GRHL2: variants seen among roughly 807,000 people sequenced by gnomAD.
The protein encoded by GRHL2 is grainyhead like transcription factor 2.
A neutral mutation model predicts 83.8 loss-of-function variants in GRHL2; 21 were observed. The ratio of observed to expected loss-of-function variants is 0.25; its 90% CI spans 0.18 to 0.36. The LOEUF is 0.36. Among genes scored for constraint, GRHL2 ranks in the 10% least tolerant of loss-of-function variants. The pLI, the probability that GRHL2 is intolerant of heterozygous loss-of-function variation, is 1.00. For synonymous variants in GRHL2, 280 were observed against 278.9 expected, an observed-to-expected ratio of 1.00 and a Z score of -0.04; for missense variants, 623 against 781.8, an observed-to-expected ratio of 0.80 and a Z score of 2.42.
the GRHL2 span, among the ~76,000 whole-genome samples, chr8:101,678,057 G>A: frequency 3.4e-4 from 51 of 152,202 alleles, 1 homozygote; most frequent in Non-Finnish European, 5.7e-4. Context: ...GCACACTTCC[G>A]GCGAAGACAA....
At chr8:101,636,856 TTG>T in intron 11 of GRHL2, 39 bp from the exon 12 acceptor site, 2 of 1,595,842 alleles carry the variant, frequency 1.3e-6, no homozygotes, top group South Asian at 2.2e-5. Context: ...TTTCCATTTC[TTG>T]TCTCTGACCT....
chr8:101,492,695 T>C lies in GRHL2; in HGVS notation c.-75T>C. The C allele has an allele frequency of 1.5e-6, 2 of 1,350,888 alleles. No individual in the cohort carries two copies. The highest frequency in any genetic ancestry group is 3.6e-4 in the Middle Eastern group (2 of 5,548). The allele number at this position is 1,350,888 out of a possible 1,614,324, so 83.7% of individuals were successfully genotyped here. ...TCGGGCGCTCTCACACACCTTCACC[T>C]GCACAGACTTGAAAGTCCAGTTTCA... On this transcript the variant is annotated 5_prime_UTR_variant, in exon 1 of 16. Coordinates refer to ENST00000646743, the MANE Select transcript of GRHL2 (RefSeq NM_024915.4).
At position 101,623,886 on chromosome 8, in the gene GRHL2, TCACAGTA is replaced by T. The variant is rs535626223; in HGVS notation, c.1257+4204_1257+4210del. 5.5e-3 allele frequency among the ~76,000 whole-genome samples: 501 copies of T among 90,810 alleles called. 4 individuals are homozygous for T. Among genetic ancestry groups the T allele is most frequent in the African/African-American group, 0.015 (468 of 31,058 alleles). The allele number at this position is 90,810 out of a possible 152,430, so 59.6% of individuals were successfully genotyped here. A position where few individuals can be genotyped will look rare whatever the true frequency, so the allele number is the denominator to read the frequency against. On this transcript the variant is annotated intron_variant, in intron 9 of 15. Transcript: ENST00000646743. ...GTAGGACAGTACACAGTAGGACAGTTCACAGTACACAGTACACAGTAGGACAGTACAC... is the reference window on the plus strand; with the variant it reads ...GTAGGACAGTACACAGTAGGACAGTTCACAGTACACAGTAGGACAGTACAC...
intron 9 of GRHL2, among the ~76,000 whole-genome samples, chr8:101,628,870 T>C (rs1813130721): frequency 6.6e-6 from 1 of 152,232 alleles, no homozygotes; most frequent in African/African-American, 2.4e-5. Flanking sequence ...AAGATGTGAT[T>C]GAATTGCTGC....
At chr8:101,636,048 G>A (rs535917269) in intron 11 of GRHL2, among the ~76,000 whole-genome samples, 2 of 152,228 alleles carry the variant, frequency 1.3e-5, no homozygotes, top group South Asian at 4.2e-4. Flanking sequence ...ACTAACTCAG[G>A]TATTATTCTT....
At chr8:101,545,124 G>C (rs1376129992) in intron 2 of GRHL2, among the ~76,000 whole-genome samples, 1 of 152,068 alleles carries the variant, frequency 6.6e-6, no homozygotes, top group African/African-American at 2.4e-5. Context: ...GACCATCCAG[G>C]GTATTTTAAA....
chr8:101,551,617 CAAAA>C (rs111993659), intron 2 of GRHL2, among the ~76,000 whole-genome samples: 1 of 143,822 alleles, frequency 7.0e-6, no homozygotes, highest in African/African-American at 2.6e-5. Context: ...GGAGATAGAG[CAAAA>C]AAAAAGAAAG....
At chr8:101,592,945 ATTC>A (rs1267281194) in intron 7 of GRHL2, among the ~76,000 whole-genome samples, 2 of 151,952 alleles carry the variant, frequency 1.3e-5, no homozygotes, top group Non-Finnish European at 2.9e-5. Flanking sequence ...CCATGGTTTT[ATTC>A]TTTTTGTTGT....
At position 101,553,659 on chromosome 8, in the gene GRHL2, C is replaced by G. The variant is rs1055238670; in HGVS notation, c.284+877C>G. On this transcript the variant is annotated intron_variant, in intron 3 of 15. Transcript: ENST00000646743. ...TTTTTTTTTTTTTGAGACGGAGTCT[C>G]GCTCTGTCACCAGGCTGGAGTGTAG... is the stretch of plus-strand genomic sequence containing the variant. Among the ~76,000 whole-genome samples the G allele has an allele frequency of 2.1e-5, 3 of 141,684 alleles. No homozygotes were observed. The Admixed American group carries it at 2.2e-4, about 11-fold the overall frequency. The allele number at this position is 141,684 out of a possible 152,430, so 93.0% of individuals were successfully genotyped here.
At chr8:101,637,534 T>C (rs1813314253) in intron 12 of GRHL2, among the ~76,000 whole-genome samples, 1 of 152,220 alleles carries the variant, frequency 6.6e-6, no homozygotes, top group East Asian at 1.9e-4. Flanking sequence ...AGCAGCCAGA[T>C]CTTCAAAGTG....
At chr8:101,522,973 G>A (rs966792942) in intron 1 of GRHL2, among the ~76,000 whole-genome samples, 6 of 150,900 alleles carry the variant, frequency 4.0e-5, no homozygotes, top group Non-Finnish European at 7.4e-5. Context: ...GCAGTGGTGC[G>A]ATTTCTGCTC....
At chr8:101,534,406 G>T (rs1693793979) in intron 1 of GRHL2, among the ~76,000 whole-genome samples, 1 of 152,118 alleles carries the variant, frequency 6.6e-6, no homozygotes, top group South Asian at 2.1e-4. Flanking sequence ...TGATATGGTA[G>T]TTTGCTAGCA....
chr8:101,677,414 AC>A, the GRHL2 span, among the ~76,000 whole-genome samples: 1 of 151,456 alleles, frequency 6.6e-6, no homozygotes, highest in Non-Finnish European at 1.5e-5. Flanking sequence ...AATAACCCCG[AC>A]CATCTCCACC....
chr8:101,509,449 C>A (rs1810421125), intron 1 of GRHL2, among the ~76,000 whole-genome samples: 1 of 151,748 alleles, frequency 6.6e-6, no homozygotes, highest in African/African-American at 2.4e-5. Context: ...TGGAAAATGG[C>A]AATTTATGGA....
intron 7 of GRHL2, among the ~76,000 whole-genome samples, chr8:101,588,626 G>T (rs996255351): frequency 2.0e-5 from 3 of 152,164 alleles, no homozygotes; most frequent in Non-Finnish European, 4.4e-5. Flanking sequence ...ATTTTGAGTT[G>T]CTTAAGTAAT....
At chr8:101,494,746 C>A (rs1014751875) in intron 1 of GRHL2, among the ~76,000 whole-genome samples, 1 of 152,180 alleles carries the variant, frequency 6.6e-6, no homozygotes. Context: ...TACTTAGCAG[C>A]AATAAGAACA....
At chr8:101,563,305 G>C (rs553758248) in intron 4 of GRHL2, among the ~76,000 whole-genome samples, 1 of 152,082 alleles carries the variant, frequency 6.6e-6, no homozygotes, top group South Asian at 2.1e-4. Context: ...TTAAGACAGT[G>C]ATTCACCAAA....
intron 1 of GRHL2, among the ~76,000 whole-genome samples, chr8:101,507,704 C>T (rs1810368740): frequency 6.6e-6 from 1 of 150,910 alleles, no homozygotes; most frequent in Non-Finnish European, 1.5e-5. Flanking sequence ...AACCATTTCT[C>T]CTTTGTTGTA....
At chr8:101,583,705 A>T (rs748786438) in intron 7 of GRHL2, among the ~76,000 whole-genome samples, 1 of 152,252 alleles carries the variant, frequency 6.6e-6, no homozygotes, top group South Asian at 2.1e-4. Flanking sequence ...TAGACTAGAT[A>T]TCAGTCCAAA....
Sources: allele counts gnomAD v4.1 joint callset (sites outside exome capture counted in the v4.1 genomes callset), GRCh38; gene constraint gnomAD v4.1.1; transcripts MANE v1.5; gene names NCBI Gene and HGNC (gene_info 2026-07-23, HGNC 2026-07-21).